The following MEF2C variants were observed in gnomAD, a reference collection of about 807,000 sequenced individuals.
MEF2C encodes myocyte-specific enhancer factor 2C.
A neutral mutation model predicts 50.5 loss-of-function variants in MEF2C; 6 were observed. The ratio of observed to expected loss-of-function variants is 0.12; its 90% confidence interval spans 0.07 to 0.23. The LOEUF (loss-of-function observed/expected upper bound fraction) is 0.23. Among genes scored for constraint, MEF2C ranks in the 10% least tolerant of loss-of-function variants. The pLI is 1.00. For missense variants in MEF2C, 276 were observed against 605.0 expected (o/e 0.46, Z 5.70); for synonymous variants, 183 against 228.0 (o/e 0.80, Z 1.78).
In MEF2C at chr5:88,805,687, T is replaced by C. The variant is rs76890248; in HGVS notation, c.55-886A>G. 4.3e-4 allele frequency among the ~76,000 whole-genome samples: 66 copies of C among 152,256 alleles called. No individual in the cohort carries two copies. In the East Asian group the frequency reaches 0.012, roughly 28 times the overall value. ...ATGAGCTGCCTACAACAGCTCCCTC[T>C]CCCTGGCTTTGAAAACTTCCTACCT... On this transcript the variant is annotated intron_variant, in intron 2 of 10. Transcript: ENST00000504921.
At chr5:88,819,820 T>A (rs1807382455) in intron 2 of MEF2C, among the ~76,000 whole-genome samples, 1 of 151,940 alleles carries the variant, frequency 6.6e-6, no homozygotes, top group Non-Finnish European at 1.5e-5. Context: ...TGCATACGGC[T>A]TTCAGACTAC....
chr5:88,902,620 AC>A (rs1314969897), intron 1 of MEF2C, among the ~76,000 whole-genome samples: 1 of 151,632 alleles, frequency 6.6e-6, no homozygotes, highest in Non-Finnish European at 1.5e-5. Flanking sequence ...CATTTCAGGT[AC>A]AGTGGTCATT....
At chr5:88,761,087 G>C (rs780541747) in intron 4 of MEF2C, 98 bp downstream of exon 4, 2 of 1,613,696 alleles carry the variant, frequency 1.2e-6, no homozygotes, top group South Asian at 1.1e-5. Context: ...AGTCGGGATC[G>C]GGGCTTTCAC....
rs1383909922 is a variant in MEF2C, at chr5:88,851,219, G to A, written c.-142-27289C>T. Reference sequence around the variant, plus strand: ...CTGCACTCCAGCCTGGTGACAGAGTGCCACTCCATCTCACAAAAAAAAAAA... The same window carrying A: ...CTGCACTCCAGCCTGGTGACAGAGTACCACTCCATCTCACAAAAAAAAAAA... On this transcript the variant is annotated intron_variant, in intron 1 of 10. Transcript: ENST00000504921. 1.3e-4 allele frequency among the ~76,000 whole-genome samples: 16 copies of A among 119,448 alleles called. 1 individual carries two copies. The highest frequency in any genetic ancestry group is 5.9e-4 in the African/African-American group (16 of 26,940). The allele number at this position is 119,448 out of a possible 152,430, so 78.4% of individuals were successfully genotyped here.
intron 3 of MEF2C, among the ~76,000 whole-genome samples, chr5:88,796,029 G>C (rs1267093372): frequency 6.6e-6 from 1 of 152,182 alleles, no homozygotes; most frequent in Non-Finnish European, 1.5e-5. Flanking sequence ...TGTGCTGCTG[G>C]ATTCGGTTTG....
At chr5:88,756,301 C>T (rs935208338) in intron 4 of MEF2C, among the ~76,000 whole-genome samples, 2 of 152,112 alleles carry the variant, frequency 1.3e-5, no homozygotes, top group Non-Finnish European at 2.9e-5. Context: ...AACTTCACCC[C>T]GCCCTGCTAC....
At chr5:88,778,547 T>A (rs1786073954) in intron 3 of MEF2C, among the ~76,000 whole-genome samples, 1 of 152,110 alleles carries the variant, frequency 6.6e-6, no homozygotes, top group African/African-American at 2.4e-5. Flanking sequence ...ATGGAGAAAC[T>A]ATTGTTTCTC....
At chr5:88,748,958 T>C (rs1367451696) in intron 6 of MEF2C, 112 bp downstream of exon 6, 5 of 1,529,612 alleles carry the variant, frequency 3.3e-6, no homozygotes, top group Non-Finnish European at 4.4e-6. Flanking sequence ...CATTTTTCCA[T>C]GCCTCTCACA....
chr5:88,794,617 T>C (rs1010797661), intron 3 of MEF2C, among the ~76,000 whole-genome samples: 2 of 152,226 alleles, frequency 1.3e-5, no homozygotes, highest in Non-Finnish European at 2.9e-5. Context: ...TGATCGTTTC[T>C]TCTGCTGTGC....
At position 88,748,955 on chromosome 5, in the gene MEF2C, C is replaced by A. The variant is rs1014806471; in HGVS notation, c.637+115G>T. On this transcript the variant is annotated intron_variant, in intron 6 of 10. Transcript: ENST00000504921. ...TTTAAAAATTCTTGGTGTCATTTTT[C>A]CATGCCTCTCACAGATCTCTTAACT... The A allele has an allele frequency of 6.6e-6, 10 of 1,526,468 alleles. No homozygotes were observed. The East Asian group carries it at 1.5e-4, about 23-fold the overall frequency. The allele number at this position is 1,526,468 out of a possible 1,614,324, so 94.6% of individuals were successfully genotyped here.
intron 2 of MEF2C, among the ~76,000 whole-genome samples, chr5:88,814,573 C>A (rs74536828): frequency 0.017 from 2,592 of 151,990 alleles, 32 homozygotes; most frequent in East Asian, 0.042. Flanking sequence ...GATTTTCAAG[C>A]AGTAGTTCCT....
chr5:88,883,910 G>A (rs1028841307), upstream of MEF2C, among the ~76,000 whole-genome samples: 2 of 152,170 alleles, frequency 1.3e-5, no homozygotes, highest in Admixed American at 6.5e-5. Flanking sequence ...CTGAACATCA[G>A]TACCTCAATC....
rs2152482609 is a variant in MEF2C, at chr5:88,747,595, C to T, written c.637+1475G>A. 7.9e-5 allele frequency among the ~76,000 whole-genome samples: 2 copies of T among 25,182 alleles called. 1 individual carries two copies. The highest frequency in any genetic ancestry group is 3.8e-4 in the Non-Finnish European group (2 of 5,330). The allele number at this position is 25,182 out of a possible 152,430, so 16.5% of individuals were successfully genotyped here. A position where few individuals can be genotyped will look rare whatever the true frequency, so the allele number is the denominator to read the frequency against. On this transcript the variant is annotated intron_variant, in intron 6 of 10. Coordinates refer to ENST00000504921, the MANE Select transcript of MEF2C (RefSeq NM_002397.5). ...CGATCTCCTGACCTCGTGATCCGCC[C>T]GCCTCGGCCTCCCAAAGTGCTGGGA...
intron 1 of MEF2C, among the ~76,000 whole-genome samples, chr5:88,832,157 A>T (rs774252713): frequency 2.0e-5 from 3 of 152,148 alleles, no homozygotes; most frequent in Non-Finnish European, 4.4e-5. Flanking sequence ...ACAGCTGCAG[A>T]GGTACTAGCG....
At chr5:88,815,874 G>A in intron 2 of MEF2C, among the ~76,000 whole-genome samples, 1 of 151,584 alleles carries the variant, frequency 6.6e-6, no homozygotes. Flanking sequence ...TTTTAGTGTT[G>A]GTTTCTCAGT....
chr5:88,727,610 G>GA (rs1215035264), intron 10 of MEF2C, among the ~76,000 whole-genome samples: 1 of 152,106 alleles, frequency 6.6e-6, no homozygotes, highest in Non-Finnish European at 1.5e-5. Flanking sequence ...TGGCTAAGCA[G>GA]AAAAGTAAAA....
At chr5:88,778,702 G>GA (rs1265082246) in intron 3 of MEF2C, among the ~76,000 whole-genome samples, 2 of 151,974 alleles carry the variant, frequency 1.3e-5, no homozygotes, top group African/African-American at 4.8e-5. Context: ...CAGATGAGAG[G>GA]AAAAATAAAG....
In MEF2C at chr5:88,722,956, T is replaced by C. The variant is rs752116702; in HGVS notation, c.1101-31A>G. On this transcript the variant is annotated intron_variant, in intron 10 of 10. Transcript: ENST00000504921. ...GGAGGAAAGGAAACCCAGTTACAGA[T>C]GAAGGAGGCCTGGAGGCCCCAGGAA... is the stretch of plus-strand genomic sequence containing the variant. 3.3e-6 allele frequency: 5 copies of C among 1,533,000 alleles called. No homozygotes were observed. In the African/African-American group the frequency reaches 4.1e-5, roughly 13 times the overall value. The allele number at this position is 1,533,000 out of a possible 1,614,324, so 95.0% of individuals were successfully genotyped here.
chr5:88,848,979 C>G (rs1258303708), intron 1 of MEF2C, among the ~76,000 whole-genome samples: 1 of 151,730 alleles, frequency 6.6e-6, no homozygotes, highest in Non-Finnish European at 1.5e-5. Flanking sequence ...GGTGAAACCC[C>G]GTCTCTACTA....
Sources: allele counts gnomAD v4.1 joint callset (sites outside exome capture counted in the v4.1 genomes callset), GRCh38; gene constraint gnomAD v4.1.1; transcripts MANE v1.5; gene names NCBI Gene and HGNC (gene_info 2026-07-23, HGNC 2026-07-21).